Variants in CCDC183 observed in about 807,000 individuals in gnomAD.
CCDC183 encodes the protein coiled-coil domain containing 183.
Under a neutral mutation model 65.2 loss-of-function variants are expected in CCDC183, and 63 were observed. That is an observed-to-expected ratio of 0.97 (90% CI 0.79 to 1.19). The LOEUF is 1.19. Among genes scored for constraint, CCDC183 ranks in the 50% most tolerant of loss-of-function variants. The probability of loss-of-function intolerance (pLI) is 0.00; values close to 1 mark genes in which losing one functional copy is unlikely to be tolerated. For missense variants in CCDC183, 769 were observed against 689.3 expected, an observed-to-expected ratio of 1.12 and a Z score of -1.30; for synonymous variants, 323 against 276.5, an observed-to-expected ratio of 1.17 and a Z score of -1.67.
intron 5 of CCDC183, among the ~76,000 whole-genome samples, chr9:136,801,599 G>C (rs974893746): frequency 1.3e-5 from 2 of 151,816 alleles, no homozygotes; most frequent in Non-Finnish European, 2.9e-5. Context: ...CCAGCTACTC[G>C]GGAGGCTGAG....
chr9:136,806,062 C>G lies in CCDC183; in HGVS notation c.949-16C>G. The stretch of plus-strand genomic sequence containing the variant: ...TCCTGGCCCACACCTGCTTCTCTCT[C>G]CCCCGGACTGGCCAGGACATCACTA... On this transcript the variant is annotated splice_polypyrimidine_tract_variant and intron_variant, in intron 9 of 13. Transcript: ENST00000338005. The G allele has an allele frequency of 1.3e-6, 2 of 1,546,200 alleles. No individual in the cohort carries two copies. The highest frequency in any genetic ancestry group is 1.7e-6 in the Non-Finnish European group (2 of 1,145,446).
In CCDC183 at chr9:136,799,524, C is replaced by T. The variant is rs1588330191; in HGVS notation, c.193-189C>T. 1.5e-5 allele frequency: 10 copies of T among 676,042 alleles called. No homozygotes were observed. In the East Asian group the frequency reaches 2.7e-4, roughly 19 times the overall value. The allele number at this position is 676,042 out of a possible 1,614,324, so 41.9% of individuals were successfully genotyped here. ...CACCCAGGCCCTCCTCTGCATACCC[C>T]CCTACCACGTCGCCTCCGAACTTGG... On this transcript the variant is annotated intron_variant, in intron 2 of 13. Transcript: ENST00000338005.
chr9:136,806,875 C>G lies in CCDC183; in HGVS notation c.1389+8C>G, dbSNP rs776551323. 3 of 1,613,364 alleles carry G rather than the reference C, an allele frequency of 1.9e-6. No individual in the cohort carries two copies. The highest frequency in any genetic ancestry group is 2.5e-6 in the Non-Finnish European group (3 of 1,179,992). ...GTGTCCAGGACCGAGGAGGTAGCCCCGGGCTGGGAGGAACCTGCACAGCCC... is the reference window on the plus strand; with the variant it reads ...GTGTCCAGGACCGAGGAGGTAGCCCGGGGCTGGGAGGAACCTGCACAGCCC... On this transcript the variant is annotated splice_region_variant and intron_variant, in intron 12 of 13. Coordinates refer to ENST00000338005, the MANE Select transcript of CCDC183 (RefSeq NM_001039374.5).
intron 4 of CCDC183, 41 bp from the exon 5 acceptor site, chr9:136,800,348 C>T: frequency 1.3e-6 from 2 of 1,552,294 alleles, no homozygotes; most frequent in African/African-American, 1.4e-5. Context: ...TCCGGGCGGC[C>T]GGTCCCCACG....
chr9:136,802,286 G>C (rs531806962), intron 5 of CCDC183, among the ~76,000 whole-genome samples: 1 of 152,320 alleles, frequency 6.6e-6, no homozygotes, highest in African/African-American at 2.4e-5. Flanking sequence ...TAGCTGGTCA[G>C]AAGCTGCCTT....
rs199761014 is a variant in CCDC183, at chr9:136,800,464, T to C, written c.514T>C (p.Tyr172His). 6.2e-7 allele frequency: 1 copy of C among 1,611,574 alleles called. No individual in the cohort carries two copies. Among genetic ancestry groups the C allele is most frequent in the Non-Finnish European group, 8.5e-7 (1 of 1,178,750 alleles). ...IITSQNIHLL[Y>H]LDLLDYLKTV... ...CACCAGCCAGAACATCCACCTGCTG[T>C]ATTTGGACCTGCTGGATTATCTGAA... Residue 172 changes from tyrosine (Y) to histidine (H), a missense_variant, in exon 5 of 14, where the codon TAT (tyrosine) becomes CAT (histidine). Transcript: ENST00000338005.
At position 136,807,589 on chromosome 9, in the gene CCDC183, G is replaced by A. The variant is rs766182504; in HGVS notation, c.1504G>A (p.Asp502Asn). 15 of 1,605,108 alleles carry A rather than the reference G, an allele frequency of 9.3e-6. No individual in the cohort carries two copies. In the Middle Eastern group the frequency reaches 1.3e-3, roughly 142 times the overall value. ...GCCCGCAGACACCTTCCAGTTCCCC[G>A]ACATGGACCACAGCTACGTCCCTTC... ...EDMIDTFQFP[D>N]MDHSYVPSRA... Residue 502 changes from aspartate to asparagine, a missense_variant, in exon 14 of 14, where the codon GAC becomes AAC. Coordinates refer to ENST00000338005, the MANE Select transcript of CCDC183 (RefSeq NM_001039374.5).
chr9:136,804,812 G>A lies in CCDC183; in HGVS notation c.843G>A (p.Leu281=). The part of the protein sequence containing the change: ...FPSNLMSTET[L]KLRRKETSTA... ...CGAACCTGATGAGCACGGAGACCCT[G>A]AAATGTAAGCGCTCAGCTCCCCACC... Residue 281 remains leucine (L), a synonymous_variant, in exon 8 of 14, where the codon CTG becomes CTA. Transcript: ENST00000338005. This position sits in a 1 kb window ranked among gnomAD's most constrained non-coding sequence, Gnocchi z 4.1. 6.2e-7 allele frequency: 1 copy of A among 1,613,822 alleles called. No individual in the cohort carries two copies.
Position 136,800,405 on chromosome 9 carries a change from A to C in CCDC183, c.455A>C (p.Glu152Ala), listed in dbSNP as rs766584554. The change falls in exon 5 of 14, where the codon GAG (glutamate) becomes GCG (alanine). Residue 152 changes from glutamate to alanine, a missense_variant. By Grantham distance (107) the Glu-to-Ala change is moderately radical. Transcript: ENST00000338005. ...CCGCCCCAGATCATCCGCCAGCTGGAGAACAACATCGAGAAGACAATGATC... is the reference window on the plus strand; with the variant it reads ...CCGCCCCAGATCATCCGCCAGCTGGCGAACAACATCGAGAAGACAATGATC... ...LRLLQIIRQL[E>A]NNIEKTMIKI... 4.3e-6 allele frequency: 7 copies of C among 1,611,498 alleles called. No individual in the cohort carries two copies. In the Admixed American group the frequency reaches 1.2e-4, roughly 27 times the overall value.
rs767454654 is a variant in CCDC183 at position 136,796,360 on chromosome 9, G to C, written c.-38G>C. The C allele has an allele frequency of 2.1e-6, 3 of 1,403,554 alleles. 1 individual carries two copies. 86.9% of individuals were successfully genotyped at this position (1,403,554 alleles called of 1,614,324 possible). A position where few individuals can be genotyped will look rare whatever the true frequency, so the allele number is the denominator to read the frequency against. On this transcript the variant is annotated 5_prime_UTR_variant, in exon 1 of 14. Coordinates refer to ENST00000338005, the MANE Select transcript of CCDC183 (RefSeq NM_001039374.5). Reference sequence around the variant, plus strand: ...AGCAAGCTGAGCCCAGGGAGGCTTTGAGGTACACAGGGTCCCTTGGGGGGC... The same window carrying C: ...AGCAAGCTGAGCCCAGGGAGGCTTTCAGGTACACAGGGTCCCTTGGGGGGC...
In CCDC183 at chr9:136,806,743, C is replaced by T; in HGVS notation, c.1279-14C>T. 1.9e-6 allele frequency: 3 copies of T among 1,613,508 alleles called. No individual in the cohort carries two copies. Among genetic ancestry groups the T allele is most frequent in the South Asian group, 2.2e-5 (2 of 91,078 alleles). On this transcript the variant is annotated splice_polypyrimidine_tract_variant and intron_variant, in intron 11 of 13. Transcript: ENST00000338005. ...GGGCCAGAGGGGAGATGAGACCCTC[C>T]TCCCGGCCTACAGAGAGAAGTGGTG...
chr9:136,800,942 C>G (rs1178789516), intron 5 of CCDC183, among the ~76,000 whole-genome samples: 1 of 152,244 alleles, frequency 6.6e-6, no homozygotes, highest in Non-Finnish European at 1.5e-5. Flanking sequence ...AGGGAAGACC[C>G]CCTTCATGGG....
chr9:136,800,388 G>A lies in CCDC183; in HGVS notation c.439-1G>A, dbSNP rs1847720821. 1 of 1,608,406 alleles carries A rather than the reference G, an allele frequency of 6.2e-7. No individual in the cohort carries two copies. The highest frequency in any genetic ancestry group is 2.2e-5 in the East Asian group (1 of 44,788). On this transcript the variant is annotated splice_acceptor_variant, in intron 4 of 13. Transcript: ENST00000338005. LOFTEE classifies it high-confidence loss of function. ...CTCACTGCGCCCTCGGTCCGCCCCAGATCATCCGCCAGCTGGAGAACAACA... is the reference window on the plus strand; with the variant it reads ...CTCACTGCGCCCTCGGTCCGCCCCAAATCATCCGCCAGCTGGAGAACAACA...
intron 2 of CCDC183, 39 bp from the exon 3 acceptor site, chr9:136,799,674 C>T: frequency 6.3e-7 from 1 of 1,589,120 alleles, no homozygotes; most frequent in South Asian, 1.1e-5. Context: ...TGCGGGTGCG[C>T]AAAGGGCCCG....
intron 1 of CCDC183, 119 bp from the exon 2 acceptor site, chr9:136,798,983 G>A: frequency 1.4e-6 from 2 of 1,384,162 alleles, no homozygotes; most frequent in South Asian, 1.3e-5. Flanking sequence ...TGGCCATGGA[G>A]GGGGCATCCC....
At position 136,807,736 on chromosome 9, in the gene CCDC183, C is replaced by T. The variant is rs1274091116; in HGVS notation, c.*46C>T. On this transcript the variant is annotated 3_prime_UTR_variant, in exon 14 of 14. Transcript: ENST00000338005. ...CTTTGCTACACAAATAAACATTTTT[C>T]CAGGACTGCTGCGGACGCTGGGGCG... The T allele has an allele frequency of 6.4e-7, 1 of 1,560,378 alleles. No homozygotes were observed. Among genetic ancestry groups the T allele is most frequent in the Admixed American group, 1.9e-5 (1 of 52,974 alleles).
Position 136,796,563 on chromosome 9 carries a change from G to C in CCDC183, c.70+96G>C, listed in dbSNP as rs1047392325. ...GGAAAAGAGAGATCAGATTGTTACT[G>C]TCTATGTAGAAAAGGAAGACATAAG... On this transcript the variant is annotated intron_variant, in intron 1 of 13. Transcript: ENST00000338005. 13 of 837,940 alleles carry C rather than the reference G, an allele frequency of 1.6e-5. No homozygotes were observed. The South Asian group carries it at 2.0e-4, about 13-fold the overall frequency. The allele number at this position is 837,940 out of a possible 1,614,324, so 51.9% of individuals were successfully genotyped here. A position where few individuals can be genotyped will look rare whatever the true frequency, so the allele number is the denominator to read the frequency against.
Position 136,806,494 on chromosome 9 carries a change from C to T in CCDC183, c.1110-10C>T, listed in dbSNP as rs897591528. Reference sequence around the variant, plus strand: ...GCCCCTCACTGCTGTGTCCCTATTGCCTTCTGCAGCTTCAAGTCCGTTGAG... The same window carrying T: ...GCCCCTCACTGCTGTGTCCCTATTGTCTTCTGCAGCTTCAAGTCCGTTGAG... On this transcript the variant is annotated splice_polypyrimidine_tract_variant and intron_variant, in intron 10 of 13. Coordinates refer to ENST00000338005, the MANE Select transcript of CCDC183 (RefSeq NM_001039374.5). 9 of 1,613,180 alleles carry T rather than the reference C, an allele frequency of 5.6e-6. No homozygotes were observed. Among genetic ancestry groups the T allele is most frequent in the African/African-American group, 5.3e-5 (4 of 74,952 alleles).
chr9:136,805,675 G>C, intron 9 of CCDC183: 6 of 568,788 alleles, frequency 1.1e-5, no homozygotes, highest in Non-Finnish European at 1.9e-5. Flanking sequence ...ATTATTATTA[G>C]GCCTTGAGCT....
Sources: gnomAD v4.1 joint callset for allele counts (sites outside exome capture counted in the v4.1 genomes callset) on GRCh38, gnomAD v4.1.1 for gene constraint, Gnocchi (gnomAD v3.1) non-coding constraint, MANE v1.5 for transcripts, NCBI Gene and HGNC (gene_info 2026-07-23, HGNC 2026-07-21) for gene names.